Variants in LAMA2 observed in about 807,000 individuals in gnomAD.
LAMA2 encodes laminin subunit alpha-2.
LAMA2 carries 269 observed loss-of-function variants against 364.8 expected under a neutral mutation model. The observed-to-expected ratio is 0.74, with a 90% CI of 0.67 to 0.82. LAMA2 has a LOEUF of 0.82. LAMA2 is among the 40% of genes least tolerant of loss of function. LAMA2 has a pLI of 0.00. For synonymous variants in LAMA2, 1,379 were observed against 1,370.6 expected, an observed-to-expected ratio of 1.01 and a Z score of -0.14; for missense variants, 3,807 against 3,873.2, an observed-to-expected ratio of 0.98 and a Z score of 0.45.
In LAMA2 at chr6:129,362,183, C is replaced by T. The variant is rs78687565; in HGVS notation, c.4718-4036C>T. 0.035 allele frequency among the ~76,000 whole-genome samples: 5,383 copies of T among 152,140 alleles called. 604 individuals carry two copies. In the East Asian group the frequency reaches 0.4, roughly 11 times the overall value. ...TAAAGTTTTGTGCTGATTTTCTTCC[C>T]GTCCATCTCTCCCTTTCCTGAGTCA... On this transcript the variant is annotated intron_variant, in intron 32 of 64. Transcript: ENST00000421865.
intron 48 of LAMA2, among the ~76,000 whole-genome samples, chr6:129,456,986 T>C (rs561213437): frequency 2.0e-5 from 3 of 152,336 alleles, no homozygotes; most frequent in Admixed American, 6.5e-5. Context: ...TTAATATTCA[T>C]AATTGCTTCA....
intron 35 of LAMA2, among the ~76,000 whole-genome samples, chr6:129,391,156 T>TC (rs1481567217): frequency 2.6e-5 from 4 of 152,176 alleles, no homozygotes; most frequent in Non-Finnish European, 5.9e-5. Flanking sequence ...GTTTCCAGCC[T>TC]CCAAGTGTTA....
At chr6:129,482,733 A>C (rs967364545) in intron 55 of LAMA2, among the ~76,000 whole-genome samples, 1 of 152,216 alleles carries the variant, frequency 6.6e-6, no homozygotes, top group African/African-American at 2.4e-5. Context: ...AACTTGGATT[A>C]TTTCAGGAAT....
intron 1 of LAMA2, among the ~76,000 whole-genome samples, chr6:129,048,493 T>TTTCTTTCTTTCCTTCCTTCCTTCC (rs1384475895): frequency 3.9e-5 from 2 of 51,354 alleles, no homozygotes; most frequent in African/African-American, 7.6e-5. Context: ...TCTTTCTTTC[T>TTTCTTTCTTTCCTTCCTTCCTTCC]TTCCTTCCTT....
At chr6:129,200,227 T>C (rs1782139652) in intron 12 of LAMA2, among the ~76,000 whole-genome samples, 1 of 144,598 alleles carries the variant, frequency 6.9e-6, no homozygotes, top group Non-Finnish European at 1.5e-5. Flanking sequence ...TATATATACG[T>C]GTACACATAT....
intron 32 of LAMA2, among the ~76,000 whole-genome samples, chr6:129,363,404 G>A (rs780802915): frequency 6.6e-6 from 1 of 152,200 alleles, no homozygotes; most frequent in African/African-American, 2.4e-5. Context: ...CCAGGCATCT[G>A]TATTTTATAA....
intron 12 of LAMA2, among the ~76,000 whole-genome samples, chr6:129,249,084 T>C (rs1785980497): frequency 6.6e-6 from 1 of 152,168 alleles, no homozygotes. Flanking sequence ...TGTGCCATTC[T>C]CTGTGGAACA....
At chr6:128,993,485 T>G (rs907568850) in intron 1 of LAMA2, among the ~76,000 whole-genome samples, 1 of 152,220 alleles carries the variant, frequency 6.6e-6, no homozygotes, top group Non-Finnish European at 1.5e-5. Context: ...AGGCTAGTTG[T>G]ACATTTCTAT....
intron 2 of LAMA2, among the ~76,000 whole-genome samples, chr6:129,053,487 G>A (rs1788237185): frequency 6.6e-6 from 1 of 152,100 alleles, no homozygotes; most frequent in Non-Finnish European, 1.5e-5. Flanking sequence ...ACATATGTCA[G>A]AGCCCTTTGC....
intron 45 of LAMA2, among the ~76,000 whole-genome samples, chr6:129,448,470 C>T (rs1782503846): frequency 6.6e-6 from 1 of 152,076 alleles, no homozygotes; most frequent in Non-Finnish European, 1.5e-5. Context: ...GAGTTTTGTA[C>T]TAAATGAATA....
At chr6:129,252,054 C>G (rs748093487) in intron 13 of LAMA2, 30 bp from the exon 14 acceptor site, 1 of 1,516,808 alleles carries the variant, frequency 6.6e-7, no homozygotes, top group Admixed American at 1.7e-5. Flanking sequence ...CAGTTTTACT[C>G]TTTTTTATTT....
chr6:129,495,900 C>A (rs1785154375), intron 58 of LAMA2, among the ~76,000 whole-genome samples: 1 of 151,550 alleles, frequency 6.6e-6, no homozygotes, highest in Non-Finnish European at 1.5e-5. Context: ...TATGTTTTAA[C>A]TTTTCCGAAA....
At chr6:129,477,504 A>G (rs1442145049) in intron 53 of LAMA2, among the ~76,000 whole-genome samples, 2 of 152,194 alleles carry the variant, frequency 1.3e-5, no homozygotes, top group African/African-American at 2.4e-5. Flanking sequence ...CATTTCACAT[A>G]TAAGAACACT....
chr6:129,187,730 T>TA (rs781728980), intron 10 of LAMA2, among the ~76,000 whole-genome samples: 1 of 151,864 alleles, frequency 6.6e-6, no homozygotes, highest in Non-Finnish European at 1.5e-5. Context: ...GCAGAATACA[T>TA]ACTGGCTGAT....
intron 29 of LAMA2, among the ~76,000 whole-genome samples, chr6:129,329,026 C>A (rs1278537733): frequency 6.6e-6 from 1 of 152,184 alleles, no homozygotes; most frequent in Non-Finnish European, 1.5e-5. Flanking sequence ...GCACCCTGCA[C>A]TCTCTACCAC....
chr6:129,393,321 A>C, intron 37 of LAMA2, 66 bp downstream of exon 37: 1 of 1,170,706 alleles, frequency 8.5e-7, no homozygotes, highest in South Asian at 1.2e-5. Context: ...AGTGTTGAAC[A>C]TGGCTGGACT....
intron 1 of LAMA2, among the ~76,000 whole-genome samples, chr6:128,912,637 T>G (rs544719377): frequency 3.9e-5 from 6 of 152,198 alleles, no homozygotes; most frequent in Non-Finnish European, 5.9e-5. Flanking sequence ...GAATGAGAAG[T>G]CATTTTAAAC....
At chr6:129,437,526 A>T (rs770944684) in intron 41 of LAMA2, among the ~76,000 whole-genome samples, 1 of 152,002 alleles carries the variant, frequency 6.6e-6, no homozygotes, top group Non-Finnish European at 1.5e-5. Context: ...TCTTGTATTT[A>T]CATGTTGCAT....
chr6:129,403,305 G>T (rs552676215), intron 39 of LAMA2, among the ~76,000 whole-genome samples: 2 of 152,110 alleles, frequency 1.3e-5, no homozygotes, highest in African/African-American at 4.8e-5. Flanking sequence ...ATGAAGGGTG[G>T]GTGGCAGATG....
Sources: allele counts gnomAD v4.1 joint callset (sites outside exome capture counted in the v4.1 genomes callset), GRCh38; gene constraint gnomAD v4.1.1; transcripts MANE v1.5; gene names NCBI Gene and HGNC (gene_info 2026-07-23, HGNC 2026-07-21).